The following ABAT variants were observed in gnomAD, a reference collection of about 807,000 sequenced individuals.
ABAT encodes 4-aminobutyrate aminotransferase.
Under a neutral mutation model 64.6 loss-of-function variants are expected in ABAT, and 45 were observed. That is an observed-to-expected ratio of 0.70 (90% CI 0.55 to 0.89). The LOEUF (loss-of-function observed/expected upper bound fraction) is 0.89, where lower values mean the gene tolerates loss of function less well. Ranked by LOEUF, ABAT falls within the 40% of genes least tolerant of loss-of-function variation. The probability of loss-of-function intolerance (pLI) is 0.00; values close to 1 mark genes in which losing one functional copy is unlikely to be tolerated. For synonymous variants in ABAT, 297 were observed against 250.5 expected (o/e 1.19, Z -1.75); for missense variants, 633 against 658.4 (o/e 0.96, Z 0.42).
intron 1 of ABAT, chr16:8,722,814 A>G: frequency 7.8e-7 from 1 of 1,289,126 alleles, no homozygotes; most frequent in South Asian, 1.2e-5. Context: ...TGGTAGAATC[A>G]AAGAGGGATA....
At chr16:8,737,447 G>C (rs928637050) in intron 2 of ABAT, 29 of 151,774 alleles carry the variant, frequency 1.9e-4, no homozygotes, top group African/African-American at 6.0e-4. Flanking sequence ...CTGTACTCCA[G>C]CCTGGGCAAC....
intron 1 of ABAT, among the ~76,000 whole-genome samples, chr16:8,726,294 T>A (rs1238493409): frequency 7.0e-6 from 1 of 143,492 alleles, no homozygotes; most frequent in African/African-American, 2.6e-5. Flanking sequence ...GGAGTCTCGA[T>A]CTGTTGCCCA....
intron 3 of ABAT, among the ~76,000 whole-genome samples, chr16:8,747,711 A>G (rs1004152147): frequency 2.0e-4 from 30 of 152,164 alleles, no homozygotes; most frequent in African/African-American, 7.2e-4. Context: ...ATAATTATAA[A>G]TGGTTCTTTG....
At chr16:8,696,695 G>C (rs1428453331) in intron 1 of ABAT, among the ~76,000 whole-genome samples, 1 of 152,100 alleles carries the variant, frequency 6.6e-6, no homozygotes, top group East Asian at 1.9e-4. Flanking sequence ...CCTTCTTCTG[G>C]CCTATAGATG....
intron 1 of ABAT, among the ~76,000 whole-genome samples, chr16:8,706,144 G>A (rs114076233): frequency 0.014 from 2,128 of 151,890 alleles, 51 homozygotes; most frequent in African/African-American, 0.049. Context: ...GCAGTGGCTC[G>A]TGCCTGTAAT....
chr16:8,678,291 C>A (rs963819811), intron 1 of ABAT, among the ~76,000 whole-genome samples: 1 of 152,130 alleles, frequency 6.6e-6, no homozygotes, highest in African/African-American at 2.4e-5. Flanking sequence ...GCGATCCTCC[C>A]GCCTTGGCTT....
At chr16:8,723,818 T>TAC (rs1378127709) in intron 1 of ABAT, among the ~76,000 whole-genome samples, 89 of 53,632 alleles carry the variant, frequency 1.7e-3, no homozygotes, top group African/African-American at 5.6e-3. Context: ...TTTATATATA[T>TAC]ATATATATAT....
intron 1 of ABAT, chr16:8,713,897 T>C: frequency 2.2e-6 from 1 of 456,208 alleles, no homozygotes; most frequent in South Asian, 1.5e-5. Context: ...TGTCTCTGTG[T>C]GCATCCTTAC....
intron 12 of ABAT, among the ~76,000 whole-genome samples, chr16:8,773,965 G>C (rs1262642769): frequency 6.6e-6 from 1 of 151,790 alleles, no homozygotes; most frequent in African/African-American, 2.4e-5. Context: ...GTCTCACTCT[G>C]TTGCCCAGGC....
chr16:8,674,703 G>C lies in ABAT; in HGVS notation c.-50G>C, dbSNP rs1403820785. ...ATCGGATCCCGCAGATCGGAGACGGGGCCTGGAGGTGAGCGCGAGGCGCCG... is the reference window on the plus strand; with the variant it reads ...ATCGGATCCCGCAGATCGGAGACGGCGCCTGGAGGTGAGCGCGAGGCGCCG... On this transcript the variant is annotated 5_prime_UTR_variant, in exon 1 of 16. Coordinates refer to ENST00000268251, the MANE Select transcript of ABAT (RefSeq NM_020686.6). 6.6e-6 allele frequency: 1 copy of C among 152,318 alleles called. No homozygotes were observed. Among genetic ancestry groups the C allele is most frequent in the Non-Finnish European group, 1.5e-5 (1 of 68,110 alleles). 9.4% of individuals were successfully genotyped at this position (152,318 alleles called of 1,614,324 possible).
chr16:8,691,816 A>G (rs556228856), intron 1 of ABAT, among the ~76,000 whole-genome samples: 1 of 152,310 alleles, frequency 6.6e-6, no homozygotes, highest in East Asian at 1.9e-4. Flanking sequence ...TGCTACTGGC[A>G]TCTGGTGGGC....
intron 1 of ABAT, among the ~76,000 whole-genome samples, chr16:8,718,199 G>C (rs1433316769): frequency 1.3e-5 from 2 of 152,176 alleles, no homozygotes; most frequent in Non-Finnish European, 2.9e-5. Flanking sequence ...GTCCAACCCA[G>C]CAACTGGCAC....
chr16:8,770,921 A>T (rs2060086642), intron 11 of ABAT, among the ~76,000 whole-genome samples: 1 of 152,208 alleles, frequency 6.6e-6, no homozygotes, highest in Admixed American at 6.5e-5. Flanking sequence ...ATTTAGGTCT[A>T]AACAAACTAA....
intron 1 of ABAT, among the ~76,000 whole-genome samples, chr16:8,707,151 T>C (rs1329264718): frequency 6.6e-6 from 1 of 152,154 alleles, no homozygotes; most frequent in Non-Finnish European, 1.5e-5. Flanking sequence ...CCTGTGCTAG[T>C]GAGCAATGCC....
chr16:8,720,591 C>T (rs2058340559), intron 1 of ABAT: 1 of 152,284 alleles, frequency 6.6e-6, no homozygotes, highest in Non-Finnish European at 1.5e-5. Context: ...AGCCTCTGTC[C>T]CTGTGCCACT....
At chr16:8,675,729 G>A (rs1014183095) in intron 1 of ABAT, among the ~76,000 whole-genome samples, 12 of 152,168 alleles carry the variant, frequency 7.9e-5, no homozygotes, top group Non-Finnish European at 1.3e-4. Flanking sequence ...TGGCCTCTGA[G>A]GCAGCAGGAC....
At chr16:8,728,651 G>A (rs918310358) in intron 1 of ABAT, among the ~76,000 whole-genome samples, 7 of 151,974 alleles carry the variant, frequency 4.6e-5, no homozygotes, top group Non-Finnish European at 7.4e-5. Flanking sequence ...AGAGGCGGGT[G>A]GATCACAAGG....
chr16:8,720,435 C>G (rs893420336), intron 1 of ABAT, among the ~76,000 whole-genome samples: 6 of 152,220 alleles, frequency 3.9e-5, no homozygotes, highest in Non-Finnish European at 7.3e-5. Flanking sequence ...TCTCCCTATA[C>G]AAGTCACTGA....
intron 2 of ABAT, among the ~76,000 whole-genome samples, chr16:8,742,868 A>AG (rs1408548692): frequency 6.7e-6 from 1 of 149,140 alleles, no homozygotes; most frequent in Admixed American, 6.7e-5. Flanking sequence ...CCTGTCTCAA[A>AG]AAAAAAAAAA....
Sources: gnomAD v4.1 joint callset for allele counts (sites outside exome capture counted in the v4.1 genomes callset) on GRCh38, gnomAD v4.1.1 for gene constraint, MANE v1.5 for transcripts, NCBI Gene and HGNC (gene_info 2026-07-23, HGNC 2026-07-21) for gene names.